CTNNA2: variants seen among roughly 807,000 people sequenced by gnomAD.
CTNNA2 encodes the protein catenin alpha-2.
CTNNA2 carries 42 observed loss-of-function variants against 101.0 expected under a neutral mutation model. The observed-to-expected ratio is 0.42, with a 90% CI of 0.32 to 0.54. The LOEUF is 0.54. CTNNA2 is among the 20% of genes least tolerant of loss of function. The pLI is 0.14. For synonymous variants in CTNNA2, 450 were observed against 456.4 expected, an observed-to-expected ratio of 0.99 and a Z score of 0.18; for missense variants, 871 against 1,223.1, an observed-to-expected ratio of 0.71 and a Z score of 4.29.
intron 6 of CTNNA2, among the ~76,000 whole-genome samples, chr2:79,905,437 A>T (rs1189954624): frequency 6.6e-6 from 1 of 152,218 alleles, no homozygotes; most frequent in Non-Finnish European, 1.5e-5. Context: ...AATGAACTAA[A>T]ATAAGTCTGT....
At chr2:79,461,780 C>T (rs1052837745) in intron 4 of CTNNA2, among the ~76,000 whole-genome samples, 1 of 151,720 alleles carries the variant, frequency 6.6e-6, no homozygotes, top group Admixed American at 6.6e-5. Context: ...TTGAAAAGAA[C>T]ATAAAGTCAA....
At chr2:79,524,481 C>T (rs1185870825) in intron 1 of CTNNA2, among the ~76,000 whole-genome samples, 1 of 151,316 alleles carries the variant, frequency 6.6e-6, no homozygotes, top group African/African-American at 2.4e-5. Flanking sequence ...TTTTTCTTAG[C>T]AATTTGTATT....
At chr2:79,952,158 C>G (rs559891043) in intron 7 of CTNNA2, among the ~76,000 whole-genome samples, 1 of 152,268 alleles carries the variant, frequency 6.6e-6, no homozygotes, top group South Asian at 2.1e-4. Context: ...TGTGGTCTCT[C>G]CAGGCCACCT....
At chr2:79,474,083 A>C (rs1671027943) in intron 4 of CTNNA2, among the ~76,000 whole-genome samples, 1 of 152,186 alleles carries the variant, frequency 6.6e-6, no homozygotes. Context: ...CTAACACATA[A>C]TGAAAGCAAA....
At chr2:80,307,502 GT>G (rs899566732) in intron 7 of CTNNA2, among the ~76,000 whole-genome samples, 1 of 151,886 alleles carries the variant, frequency 6.6e-6, no homozygotes, top group African/African-American at 2.4e-5. Context: ...CTCACCTGAA[GT>G]TTTTTTTCTT....
rs1028878477 is a variant in CTNNA2 at position 80,304,963 on chromosome 2, A to G, written c.1057-88248A>G. 2.5e-5 allele frequency: 15 copies of G among 608,214 alleles called. No homozygotes were observed. In the Admixed American group the frequency reaches 2.6e-4, roughly 10 times the overall value. The allele number at this position is 608,214 out of a possible 1,614,324, so 37.7% of individuals were successfully genotyped here. A position where few individuals can be genotyped will look rare whatever the true frequency, so the allele number is the denominator to read the frequency against. ...GGAGGGAGGTGGAGGTAGGGGTAGC[A>G]TCATCCACGACAAGATATTTCCAAG... is the stretch of plus-strand genomic sequence containing the variant. On this transcript the variant is annotated intron_variant, in intron 7 of 18. Coordinates refer to ENST00000402739, the MANE Select transcript of CTNNA2 (RefSeq NM_001282597.3).
intron 7 of CTNNA2, among the ~76,000 whole-genome samples, chr2:80,051,594 G>A (rs1047393484): frequency 6.6e-6 from 1 of 152,096 alleles, no homozygotes; most frequent in Non-Finnish European, 1.5e-5. Context: ...ATAACAGGCT[G>A]GATCCCAAAA....
intron 6 of CTNNA2, among the ~76,000 whole-genome samples, chr2:79,908,862 C>A (rs998177049): frequency 6.6e-6 from 1 of 152,224 alleles, no homozygotes; most frequent in African/African-American, 2.4e-5. Flanking sequence ...CTCGGGGCAT[C>A]TCTGCCCACA....
At chr2:79,919,415 C>T (rs1686498267) in intron 7 of CTNNA2, among the ~76,000 whole-genome samples, 1 of 152,172 alleles carries the variant, frequency 6.6e-6, no homozygotes, top group Non-Finnish European at 1.5e-5. Flanking sequence ...CAAACAAACT[C>T]CTTACTGAGC....
At chr2:79,717,900 G>A (rs1686212418) in intron 2 of CTNNA2, among the ~76,000 whole-genome samples, 1 of 152,086 alleles carries the variant, frequency 6.6e-6, no homozygotes, top group Non-Finnish European at 1.5e-5. Context: ...GTGCCACTGG[G>A]GGACCTAAGT....
At position 80,343,223 on chromosome 2, in the gene CTNNA2, G is replaced by A. The variant is rs536484245; in HGVS notation, c.1057-49988G>A. ...GACACAATTCAATCCATAACACTAC[G>A]TCACATTCTAGGGCTTATAATTTTT... is the stretch of plus-strand genomic sequence containing the variant. On this transcript the variant is annotated intron_variant, in intron 7 of 18. Coordinates refer to ENST00000402739, the MANE Select transcript of CTNNA2 (RefSeq NM_001282597.3). Among the ~76,000 whole-genome samples, 4 of 152,146 alleles carry A rather than the reference G, an allele frequency of 2.6e-5. No homozygotes were observed. In the South Asian group the frequency reaches 6.2e-4, roughly 24 times the overall value.
At chr2:79,550,778 A>G (rs1438123074) in intron 1 of CTNNA2, among the ~76,000 whole-genome samples, 1 of 152,186 alleles carries the variant, frequency 6.6e-6, no homozygotes, top group Non-Finnish European at 1.5e-5. Context: ...TAGACCTTAC[A>G]ACGTGAATAA....
At chr2:79,990,664 T>C (rs6710403) in intron 7 of CTNNA2, among the ~76,000 whole-genome samples, 6,036 of 152,304 alleles carry the variant, frequency 0.04, 372 homozygotes, top group African/African-American at 0.14. Flanking sequence ...TTACATTTTA[T>C]GAAAAGGAGA....
intron 2 of CTNNA2, among the ~76,000 whole-genome samples, chr2:79,723,618 T>C (rs1686626226): frequency 6.6e-6 from 1 of 152,202 alleles, no homozygotes; most frequent in African/African-American, 2.4e-5. Context: ...AATAGAATCT[T>C]AAGCATAATC....
intron 7 of CTNNA2, among the ~76,000 whole-genome samples, chr2:79,915,764 A>T (rs965118751): frequency 2.0e-5 from 3 of 152,200 alleles, no homozygotes; most frequent in Admixed American, 6.5e-5. Flanking sequence ...ATGTTTATTT[A>T]TATTCATTTT....
chr2:79,612,325 T>C (rs936269061), intron 1 of CTNNA2, among the ~76,000 whole-genome samples: 1 of 152,208 alleles, frequency 6.6e-6, no homozygotes, highest in African/African-American at 2.4e-5. Context: ...TGAATTTTAA[T>C]AAATGCTGAC....
intron 7 of CTNNA2, among the ~76,000 whole-genome samples, chr2:79,980,084 A>G (rs892021750): frequency 5.9e-5 from 9 of 152,126 alleles, no homozygotes; most frequent in Non-Finnish European, 7.4e-5. Context: ...AGGGAAAATT[A>G]TCTGTGTTTT....
rs752662112 is a variant in CTNNA2 at position 80,581,859 on chromosome 2, C to G, written c.2007+40C>G. ...AAGACTTTGGCTTGGCACACAGGGACCGTGTTTACTAAAATGGTTTGAGGG... is the reference window on the plus strand; with the variant it reads ...AAGACTTTGGCTTGGCACACAGGGAGCGTGTTTACTAAAATGGTTTGAGGG... On this transcript the variant is annotated intron_variant, in intron 14 of 18. Transcript: ENST00000402739. 5 of 1,169,984 alleles carry G rather than the reference C, an allele frequency of 4.3e-6. No individual in the cohort carries two copies. The East Asian group carries it at 1.2e-4, about 27-fold the overall frequency. 72.5% of individuals were successfully genotyped at this position (1,169,984 alleles called of 1,614,324 possible).
At chr2:80,614,020 T>A (rs1698661869) in intron 17 of CTNNA2, among the ~76,000 whole-genome samples, 1 of 151,566 alleles carries the variant, frequency 6.6e-6, no homozygotes, top group Non-Finnish European at 1.5e-5. Flanking sequence ...GTCTTAGAAT[T>A]TTTTCAAGTT....
Sources: gnomAD v4.1 joint callset for allele counts (sites outside exome capture counted in the v4.1 genomes callset) on GRCh38, gnomAD v4.1.1 for gene constraint, MANE v1.5 for transcripts, NCBI Gene and HGNC (gene_info 2026-07-23, HGNC 2026-07-21) for gene names.